Variants in PCDH7 observed in about 807,000 individuals in gnomAD.
PCDH7 encodes the protein protocadherin 7, also known as protocadherin-7.
A neutral mutation model predicts 58.9 loss-of-function variants in PCDH7; 17 were observed. The ratio of observed to expected loss-of-function variants is 0.29; its 90% CI spans 0.20 to 0.43. The LOEUF is 0.43. Ranked by LOEUF, PCDH7 falls within the 20% of genes least tolerant of loss-of-function variation. The pLI, the probability that PCDH7 is intolerant of heterozygous loss-of-function variation, is 1.00. For missense variants in PCDH7, 1,274 were observed against 1,441.0 expected, an observed-to-expected ratio of 0.88 and a Z score of 1.88; for synonymous variants, 664 against 616.4, an observed-to-expected ratio of 1.08 and a Z score of -1.14.
At chr4:30,935,344 G>T (rs1290374410) in intron 2 of PCDH7, 1 of 983,032 alleles carries the variant, frequency 1.0e-6, no homozygotes, top group Admixed American at 6.2e-5. Flanking sequence ...TAGCTGTAAA[G>T]GTAAGTAGTT....
At chr4:30,907,872 T>C (rs1046358297) in intron 1 of PCDH7, among the ~76,000 whole-genome samples, 1 of 152,066 alleles carries the variant, frequency 6.6e-6, no homozygotes, top group Non-Finnish European at 1.5e-5. Context: ...AATGATAAAC[T>C]AGATTAAGAA....
chr4:30,965,756 A>T (rs997964453), intron 3 of PCDH7, among the ~76,000 whole-genome samples: 3 of 152,070 alleles, frequency 2.0e-5, no homozygotes, highest in Non-Finnish European at 4.4e-5. Context: ...CTGTTCTTGC[A>T]TCTGTATCTT....
intron 1 of PCDH7, among the ~76,000 whole-genome samples, chr4:30,865,875 A>T (rs987823682): frequency 2.6e-5 from 4 of 152,056 alleles, no homozygotes; most frequent in Admixed American, 1.3e-4. Context: ...TGGCACGGAA[A>T]TCCTCAAATG....
chr4:30,847,835 TA>T (rs1457086474), intron 1 of PCDH7, among the ~76,000 whole-genome samples: 1 of 152,166 alleles, frequency 6.6e-6, no homozygotes, highest in Admixed American at 6.6e-5. Flanking sequence ...ACTCTTCCTT[TA>T]TTACTTTGTT....
chr4:30,854,010 C>T (rs779710645), intron 1 of PCDH7, among the ~76,000 whole-genome samples: 8 of 151,794 alleles, frequency 5.3e-5, no homozygotes, highest in Admixed American at 1.3e-4. Flanking sequence ...ACCAGTTCTA[C>T]GCAGAATCGG....
At position 30,874,007 on chromosome 4, in the gene PCDH7, G is replaced by A. The variant is rs1384981534; in HGVS notation, c.71-46146G>A. On this transcript the variant is annotated intron_variant, in intron 1 of 3. Transcript: ENST00000509759. ...GTTGGGCTATGTTAATTTTTAAATA[G>A]TGAAATTGAATGGCAATCATTAAAA... Among the ~76,000 whole-genome samples, 5 of 152,216 alleles carry A rather than the reference G, an allele frequency of 3.3e-5. No individual in the cohort carries two copies. The East Asian group carries it at 9.7e-4, about 30-fold the overall frequency.
intron 1 of PCDH7, among the ~76,000 whole-genome samples, chr4:30,917,071 T>G (rs1742571337): frequency 6.6e-6 from 1 of 152,204 alleles, no homozygotes; most frequent in South Asian, 2.1e-4. Context: ...GACACTCTGC[T>G]TTACATTTCT....
At chr4:30,880,729 A>T (rs568244375) in intron 1 of PCDH7, among the ~76,000 whole-genome samples, 1 of 152,174 alleles carries the variant, frequency 6.6e-6, no homozygotes. Context: ...GCAAGCAAAT[A>T]GTTTCCTTTT....
chr4:31,013,379 G>A (rs1483773161), intron 3 of PCDH7, among the ~76,000 whole-genome samples: 1 of 150,104 alleles, frequency 6.7e-6, no homozygotes, highest in African/African-American at 2.5e-5. Context: ...CAGAGAAAGA[G>A]TATGCCTATA....
At chr4:31,089,392 C>G (rs533255391) in intron 3 of PCDH7, among the ~76,000 whole-genome samples, 1 of 151,972 alleles carries the variant, frequency 6.6e-6, no homozygotes, top group Admixed American at 6.6e-5. Context: ...GGATACTTTA[C>G]CAAAATATAA....
chr4:30,725,212 T>G (rs915625801), intron 1 of PCDH7: 2 of 996,442 alleles, frequency 2.0e-6, no homozygotes. Context: ...TTCAATCTTT[T>G]ATATCTATAA....
At chr4:30,913,041 C>A (rs1741990849) in intron 1 of PCDH7, among the ~76,000 whole-genome samples, 1 of 150,642 alleles carries the variant, frequency 6.6e-6, no homozygotes, top group African/African-American at 2.4e-5. Context: ...TGTTAATATT[C>A]TTCTGGTCTC....
intron 1 of PCDH7, among the ~76,000 whole-genome samples, chr4:30,761,705 A>G (rs939604221): frequency 6.6e-6 from 1 of 152,224 alleles, no homozygotes; most frequent in Non-Finnish European, 1.5e-5. Flanking sequence ...CAAAGTGGAA[A>G]GGTCCAAATT....
intron 1 of PCDH7, among the ~76,000 whole-genome samples, chr4:30,885,559 G>A (rs1737607431): frequency 6.6e-6 from 1 of 151,800 alleles, no homozygotes; most frequent in Admixed American, 6.6e-5. Context: ...CAGTTTAAAA[G>A]CTCTGCAATG....
At chr4:30,794,693 T>A (rs1300527165) in intron 1 of PCDH7, among the ~76,000 whole-genome samples, 2 of 152,150 alleles carry the variant, frequency 1.3e-5, no homozygotes, top group African/African-American at 4.8e-5. Context: ...GTAGGGATTT[T>A]TGGCAAATGA....
intron 1 of PCDH7, among the ~76,000 whole-genome samples, chr4:30,915,716 G>A (rs1188304396): frequency 6.6e-6 from 1 of 152,080 alleles, no homozygotes; most frequent in Admixed American, 6.5e-5. Context: ...TAGAGACGGG[G>A]TTTCACCATG....
chr4:30,895,634 TCAGCTACCTTG>T (rs957343453), intron 1 of PCDH7, among the ~76,000 whole-genome samples: 8 of 152,116 alleles, frequency 5.3e-5, no homozygotes, highest in African/African-American at 1.4e-4. Context: ...TTATTTTTTT[TCAGCTACCTTG>T]CAGCTACCTT....
chr4:30,828,369 G>T (rs542243067), intron 1 of PCDH7, among the ~76,000 whole-genome samples: 1 of 152,108 alleles, frequency 6.6e-6, no homozygotes, highest in African/African-American at 2.4e-5. Flanking sequence ...GATTAATAAA[G>T]AAATTCTCAA....
At chr4:31,088,368 C>T (rs1188840656) in intron 3 of PCDH7, among the ~76,000 whole-genome samples, 4 of 151,994 alleles carry the variant, frequency 2.6e-5, no homozygotes, top group African/African-American at 7.2e-5. Flanking sequence ...TTACAAGCTA[C>T]GTGAAGAGCA....
Sources: gnomAD v4.1 joint callset for allele counts (sites outside exome capture counted in the v4.1 genomes callset) on GRCh38, gnomAD v4.1.1 for gene constraint, MANE v1.5 for transcripts, NCBI Gene and HGNC (gene_info 2026-07-23, HGNC 2026-07-21) for gene names.